Variants in EDIL3 observed in about 807,000 individuals in gnomAD.
EDIL3 encodes the protein EGF like and discoidin domains 3.
EDIL3 carries 37 observed loss-of-function variants against 67.4 expected under a neutral mutation model. That is an observed-to-expected ratio of 0.55 (90% CI 0.42 to 0.72). EDIL3 has a LOEUF of 0.72. EDIL3 is among the 30% of genes least tolerant of loss of function. The pLI, the probability that EDIL3 is intolerant of heterozygous loss-of-function variation, is 0.00. For synonymous variants in EDIL3, 195 were observed against 196.3 expected (o/e 0.99, Z 0.05); for missense variants, 527 against 586.3 (o/e 0.90, Z 1.04).
chr5:84,244,577 C>T (rs965149796), intron 2 of EDIL3, among the ~76,000 whole-genome samples: 1 of 152,114 alleles, frequency 6.6e-6, no homozygotes, highest in Non-Finnish European at 1.5e-5. Context: ...GCATGAGCCA[C>T]TGCTCCAGGC....
At chr5:84,190,907 A>T (rs1284600073) in intron 3 of EDIL3, among the ~76,000 whole-genome samples, 2 of 151,906 alleles carry the variant, frequency 1.3e-5, no homozygotes, top group Non-Finnish European at 2.9e-5. Context: ...CCTAATGAAG[A>T]GCTAAATATT....
chr5:84,302,018 A>C (rs1203073865), intron 1 of EDIL3, among the ~76,000 whole-genome samples: 1 of 152,170 alleles, frequency 6.6e-6, no homozygotes, highest in African/African-American at 2.4e-5. Flanking sequence ...AATAATGTTA[A>C]AAACCGATAA....
At chr5:83,972,505 A>C (rs1301384550) in intron 9 of EDIL3, among the ~76,000 whole-genome samples, 1 of 152,050 alleles carries the variant, frequency 6.6e-6, no homozygotes, top group Non-Finnish European at 1.5e-5. Flanking sequence ...AGCAGTCATG[A>C]CTCATAAGTG....
At chr5:84,052,113 G>A (rs532020663) in intron 9 of EDIL3, among the ~76,000 whole-genome samples, 187 of 152,296 alleles carry the variant, frequency 1.2e-3, no homozygotes, top group African/African-American at 4.0e-3. Context: ...CGGATCTCTC[G>A]GCAGAAACTC....
Position 84,303,846 on chromosome 5 carries a change from G to T in EDIL3, c.68-49634C>A, listed in dbSNP as rs911824984. 8.2e-4 allele frequency among the ~76,000 whole-genome samples: 120 copies of T among 146,036 alleles called. 1 individual carries two copies. The highest frequency in any genetic ancestry group is 1.3e-3 in the Non-Finnish European group (85 of 66,156). The stretch of plus-strand genomic sequence containing the variant: ...TGTGTGTGTGTGTGTGTGTGTGTGT[G>T]TGTTTGTGTGTGTGTGTGTGTGCAT... On this transcript the variant is annotated intron_variant, in intron 1 of 10. Transcript: ENST00000296591.
intron 1 of EDIL3, among the ~76,000 whole-genome samples, chr5:84,321,379 C>T (rs1383745402): frequency 3.9e-5 from 6 of 152,032 alleles, no homozygotes; most frequent in East Asian, 1.9e-4. Context: ...GCCATTAAAA[C>T]GTTAGATGCA....
intron 4 of EDIL3, among the ~76,000 whole-genome samples, chr5:84,172,777 T>C (rs1055113599): frequency 1.7e-4 from 26 of 152,276 alleles, no homozygotes; most frequent in Non-Finnish European, 3.7e-4. Flanking sequence ...AGAATGACTC[T>C]GCATGGCACA....
At chr5:84,122,800 T>C (rs959223807) in intron 5 of EDIL3, among the ~76,000 whole-genome samples, 2 of 151,988 alleles carry the variant, frequency 1.3e-5, no homozygotes, top group Admixed American at 1.3e-4. Context: ...TCTGCCGTGG[T>C]TGGACTAAAG....
chr5:84,031,648 G>C (rs1745925780), intron 9 of EDIL3, among the ~76,000 whole-genome samples: 1 of 152,134 alleles, frequency 6.6e-6, no homozygotes, highest in South Asian at 2.1e-4. Flanking sequence ...GGTCATCTAG[G>C]AACCACGAAG....
At chr5:84,113,133 G>A (rs946684718) in intron 5 of EDIL3, among the ~76,000 whole-genome samples, 2 of 152,084 alleles carry the variant, frequency 1.3e-5, no homozygotes, top group African/African-American at 4.8e-5. Flanking sequence ...ATTCCCCATT[G>A]TTACCTCTAG....
At chr5:84,349,606 A>C (rs900671522) in intron 1 of EDIL3, among the ~76,000 whole-genome samples, 1 of 152,162 alleles carries the variant, frequency 6.6e-6, no homozygotes, top group Non-Finnish European at 1.5e-5. Flanking sequence ...TTCTGTTCAC[A>C]TATCTCCAGT....
intron 1 of EDIL3, among the ~76,000 whole-genome samples, chr5:84,291,920 A>T (rs1022052703): frequency 6.6e-6 from 1 of 151,522 alleles, no homozygotes; most frequent in Non-Finnish European, 1.5e-5. Flanking sequence ...GCATCAAATT[A>T]TATTTTTGTA....
chr5:84,041,530 GA>G (rs1461508509), intron 9 of EDIL3, among the ~76,000 whole-genome samples: 3 of 147,082 alleles, frequency 2.0e-5, no homozygotes, highest in Non-Finnish European at 3.0e-5. Flanking sequence ...ACAGCTTGTA[GA>G]AAATGTGTGT....
intron 5 of EDIL3, among the ~76,000 whole-genome samples, chr5:84,110,053 C>T (rs1305391972): frequency 1.3e-5 from 2 of 152,050 alleles, no homozygotes; most frequent in Non-Finnish European, 2.9e-5. Flanking sequence ...CTTTTTAGCC[C>T]CTTTCGAGTA....
intron 1 of EDIL3, among the ~76,000 whole-genome samples, chr5:84,373,587 G>A (rs543697773): frequency 2.4e-4 from 36 of 151,980 alleles, no homozygotes; most frequent in African/African-American, 7.7e-4. Flanking sequence ...ATCTTAGTTC[G>A]AGATTTCATA....
chr5:84,209,962 C>A (rs1293533661), intron 3 of EDIL3, among the ~76,000 whole-genome samples: 6 of 152,172 alleles, frequency 3.9e-5, no homozygotes, highest in Non-Finnish European at 8.8e-5. Flanking sequence ...AGAGCTTAGA[C>A]TTGTGTCAAA....
intron 1 of EDIL3, among the ~76,000 whole-genome samples, chr5:84,309,722 T>C (rs1028049362): frequency 2.6e-5 from 4 of 152,230 alleles, no homozygotes; most frequent in Admixed American, 1.3e-4. Context: ...ATGTGCCACA[T>C]TTTCTTAATC....
chr5:84,176,199 ATATAT>A (rs1561453750), intron 4 of EDIL3, among the ~76,000 whole-genome samples: 2 of 2,704 alleles, frequency 7.4e-4, no homozygotes, highest in African/African-American at 1.7e-3. Context: ...TATATATATA[ATATAT>A]ATATATATAT....
At chr5:84,254,054 A>G in intron 2 of EDIL3, 30 bp downstream of exon 2, 1 of 1,549,382 alleles carries the variant, frequency 6.5e-7, no homozygotes. Flanking sequence ...TAAAAAGATA[A>G]CTACTGAAAT....
Sources: gnomAD v4.1 joint callset for allele counts (sites outside exome capture counted in the v4.1 genomes callset) on GRCh38, gnomAD v4.1.1 for gene constraint, MANE v1.5 for transcripts, NCBI Gene and HGNC (gene_info 2026-07-23, HGNC 2026-07-21) for gene names.